The following USP25 variants were observed in gnomAD, a reference collection of about 807,000 sequenced individuals.
The protein encoded by USP25 is ubiquitin specific peptidase 25.
A neutral mutation model predicts 158.5 loss-of-function variants in USP25; 85 were observed. The observed-to-expected ratio is 0.54, with a 90% CI of 0.45 to 0.64. USP25 has a LOEUF of 0.64. Ranked by LOEUF, USP25 falls within the 30% of genes least tolerant of loss-of-function variation. USP25 has a pLI of 0.00. For synonymous variants in USP25, 464 were observed against 460.4 expected (o/e 1.01, Z -0.10); for missense variants, 1,242 against 1,327.3 (o/e 0.94, Z 1.00).
intron 1 of USP25, among the ~76,000 whole-genome samples, chr21:15,737,523 T>G (rs1394299851): frequency 6.6e-6 from 1 of 152,190 alleles, no homozygotes; most frequent in East Asian, 1.9e-4. Flanking sequence ...TGTATCATCT[T>G]GAATCCTCTG....
intron 20 of USP25, 66 bp from the exon 21 acceptor site, chr21:15,864,199 CATA>C: frequency 7.1e-7 from 1 of 1,405,312 alleles, no homozygotes; most frequent in Non-Finnish European, 9.7e-7. Context: ...GAATTAAACT[CATA>C]ATATTGAAGG....
chr21:15,730,521 T>TCGC (rs2030701338), intron 1 of USP25, 83 bp downstream of exon 1: 8 of 1,244,080 alleles, frequency 6.4e-6, no homozygotes, highest in Non-Finnish European at 8.2e-6. Flanking sequence ...CGCCCCGGCC[T>TCGC]CGCCGCCGCC....
Position 15,864,414 on chromosome 21 carries a change from A to C in USP25, c.2694A>C (p.Gln898His). The C allele has an allele frequency of 6.2e-7, 1 of 1,605,688 alleles. No individual in the cohort carries two copies. Among genetic ancestry groups the C allele is most frequent in the Non-Finnish European group, 8.5e-7 (1 of 1,177,886 alleles). Reference sequence around the variant, plus strand: ...TTATTGAGAAAACATTACTAGAACAATTTGGAGATAGAAATTTGAGTTTTG... The same window carrying C: ...TTATTGAGAAAACATTACTAGAACACTTTGGAGATAGAAATTTGAGTTTTG... The part of the protein sequence containing the change: ...KKIIEKTLLE[Q>H]FGDRNLSFDE... Residue 898 changes from glutamine to histidine, a missense_variant, in exon 21 of 26, where the codon CAA becomes CAC. Gln to His is a conservative substitution (Grantham distance 24). This residue lies in a region of USP25 where 608 missense variants were observed against 605.2 expected (regional missense o/e 1.00). Coordinates refer to ENST00000400183, the MANE Select transcript of USP25 (RefSeq NM_001283041.3).
chr21:15,799,557 A>C (rs1055734786), intron 5 of USP25, 200 bp from the exon 6 acceptor site: 11 of 393,192 alleles, frequency 2.8e-5, no homozygotes, highest in Non-Finnish European at 4.7e-5. Flanking sequence ...AATCTTGTGC[A>C]CTATCAAGTA....
At chr21:15,739,722 T>G (rs1468378935) in intron 1 of USP25, among the ~76,000 whole-genome samples, 2 of 152,192 alleles carry the variant, frequency 1.3e-5, no homozygotes, top group Non-Finnish European at 2.9e-5. Context: ...CCTGCCTTTT[T>G]CCTACAATAT....
chr21:15,824,022 GT>G lies in USP25; in HGVS notation c.1081-13del. On this transcript the variant is annotated splice_polypyrimidine_tract_variant and intron_variant, in intron 10 of 25. Coordinates refer to ENST00000400183, the MANE Select transcript of USP25 (RefSeq NM_001283041.3). ...AGGTGGTATTAAAGTTTTTGTTATT[GT>G]TTTATTTCCTTTCAGCATTGGTTTA... 1 of 1,606,492 alleles carries G rather than the reference GT, an allele frequency of 6.2e-7. No homozygotes were observed. Among genetic ancestry groups the G allele is most frequent in the Non-Finnish European group, 8.5e-7 (1 of 1,175,794 alleles).
At chr21:15,857,965 C>A (rs2039238352) in intron 20 of USP25, among the ~76,000 whole-genome samples, 1 of 151,930 alleles carries the variant, frequency 6.6e-6, no homozygotes, top group Non-Finnish European at 1.5e-5. Flanking sequence ...ATACTAAATC[C>A]CTTATCAGGG....
At chr21:15,814,290 C>T (rs185861488) in intron 9 of USP25, among the ~76,000 whole-genome samples, 131 of 151,580 alleles carry the variant, frequency 8.6e-4, no homozygotes, top group African/African-American at 3.1e-3. Flanking sequence ...CTTTTTCTTC[C>T]CAGCCTTGCC....
chr21:15,859,604 C>T (rs908760843), intron 20 of USP25, among the ~76,000 whole-genome samples: 6 of 152,066 alleles, frequency 3.9e-5, no homozygotes, highest in African/African-American at 1.4e-4. Context: ...GGCTTGATAT[C>T]TTTCGTGTTA....
At chr21:15,754,645 G>A (rs2033257910) in intron 1 of USP25, among the ~76,000 whole-genome samples, 1 of 152,174 alleles carries the variant, frequency 6.6e-6, no homozygotes, top group Admixed American at 6.5e-5. Context: ...AGAGGGAAGA[G>A]GAATGCCAGG....
intron 4 of USP25, among the ~76,000 whole-genome samples, chr21:15,787,650 T>G (rs879424896): frequency 1.3e-5 from 2 of 152,090 alleles, no homozygotes; most frequent in Non-Finnish European, 2.9e-5. Context: ...TGGGTTTAGT[T>G]TGATCCCAAT....
rs930078589 is a variant in USP25, at chr21:15,879,926, T to C, written c.*1451T>C. On this transcript the variant is annotated 3_prime_UTR_variant, in exon 26 of 26. Coordinates refer to ENST00000400183, the MANE Select transcript of USP25 (RefSeq NM_001283041.3). The stretch of plus-strand genomic sequence containing the variant: ...CATATTGTATCTATCAAAATATGTT[T>C]GGGTTTAGATTTTAAGTTGTCTACT... The C allele has an allele frequency of 7.2e-5, 11 of 152,228 alleles. No individual in the cohort carries two copies. Among genetic ancestry groups the C allele is most frequent in the Non-Finnish European group, 1.6e-4 (11 of 68,024 alleles). The allele number at this position is 152,228 out of a possible 1,614,324, so 9.4% of individuals were successfully genotyped here.
Position 15,875,836 on chromosome 21 carries a change from G to GT in USP25, c.3009+1311dup, listed in dbSNP as rs1318220128. On this transcript the variant is annotated intron_variant, in intron 24 of 25. Transcript: ENST00000400183. This position sits in a 1 kb window ranked among gnomAD's most constrained non-coding sequence, Gnocchi z 4.7. ...GACATTCAAATGAGTTTGCACCAGTGTAAGTTTGATTAGGTTTGGCATAAT... is the reference window on the plus strand; with the variant it reads ...GACATTCAAATGAGTTTGCACCAGTGTTAAGTTTGATTAGGTTTGGCATAAT... 6.6e-6 allele frequency among the ~76,000 whole-genome samples: 1 copy of GT among 152,170 alleles called. No individual in the cohort carries two copies. Among genetic ancestry groups the GT allele is most frequent in the East Asian group, 1.9e-4 (1 of 5,198 alleles).
intron 23 of USP25, among the ~76,000 whole-genome samples, chr21:15,872,870 C>A (rs1296275450): frequency 6.6e-6 from 1 of 151,736 alleles, no homozygotes; most frequent in South Asian, 2.1e-4. Flanking sequence ...TTGGCAGGAG[C>A]GTCTAGAGTT....
At chr21:15,806,232 G>A (rs1295654841) in intron 7 of USP25, among the ~76,000 whole-genome samples, 1 of 151,916 alleles carries the variant, frequency 6.6e-6, no homozygotes, top group East Asian at 1.9e-4. Context: ...TTTTACAGTT[G>A]ATTCCAAACC....
intron 1 of USP25, among the ~76,000 whole-genome samples, 173 bp downstream of exon 1, chr21:15,730,611 T>C (rs1204059072): frequency 6.6e-6 from 1 of 152,110 alleles, no homozygotes; most frequent in Non-Finnish European, 1.5e-5. Flanking sequence ...CCCAGCTGCG[T>C]GTGGGAAGCA....
chr21:15,766,055 C>CA lies in USP25; in HGVS notation c.182_183insA (p.Gln63SerfsTer16). The CA allele has an allele frequency of 6.2e-7, 1 of 1,610,752 alleles. No individual in the cohort carries two copies. Among genetic ancestry groups the CA allele is most frequent in the South Asian group, 1.1e-5 (1 of 90,902 alleles). ...TTCCTTACTGCGAAGAATGCTAAGACCCCTCAGCAGGAGGAGACAACTTAC... is the reference window on the plus strand; with the variant it reads ...TTCCTTACTGCGAAGAATGCTAAGACACCCTCAGCAGGAGGAGACAACTTAC... On this transcript the variant is annotated frameshift_variant, in exon 3 of 26. Coordinates refer to ENST00000400183, the MANE Select transcript of USP25 (RefSeq NM_001283041.3). LOFTEE classifies it high-confidence loss of function. The surrounding 1 kb of genome is among the most constrained non-coding windows in gnomAD (Gnocchi z 4.0).
chr21:15,765,893 T>A lies in USP25; in HGVS notation c.124-104T>A, dbSNP rs905444311. 15 of 1,212,108 alleles carry A rather than the reference T, an allele frequency of 1.2e-5. No individual in the cohort carries two copies. In the African/African-American group the frequency reaches 1.5e-4, roughly 12 times the overall value. 75.1% of individuals were successfully genotyped at this position (1,212,108 alleles called of 1,614,324 possible). On this transcript the variant is annotated intron_variant, in intron 2 of 25. Coordinates refer to ENST00000400183, the MANE Select transcript of USP25 (RefSeq NM_001283041.3). Reference sequence around the variant, plus strand: ...AATCACATATAGATTAATTGCAAATTTAAAGCAATTTTGTTCTAGAGAGTT... The same window carrying A: ...AATCACATATAGATTAATTGCAAATATAAAGCAATTTTGTTCTAGAGAGTT...
intron 9 of USP25, among the ~76,000 whole-genome samples, chr21:15,811,548 C>A (rs927759794): frequency 6.6e-6 from 1 of 152,118 alleles, no homozygotes; most frequent in African/African-American, 2.4e-5. Flanking sequence ...AAATACTGGG[C>A]TTGATATGAT....
Sources: gnomAD v4.1 joint callset for allele counts (sites outside exome capture counted in the v4.1 genomes callset) on GRCh38, gnomAD v4.1.1 for gene constraint, gnomAD v4.1.1 regional missense constraint, Gnocchi (gnomAD v3.1) non-coding constraint, MANE v1.5 for transcripts, NCBI Gene and HGNC (gene_info 2026-07-23, HGNC 2026-07-21) for gene names.